The following SRP54 variants were observed in gnomAD, a reference collection of about 807,000 sequenced individuals.
SRP54 encodes signal recognition particle 54, also known as signal recognition particle subunit SRP54.
Under a neutral mutation model 64.8 loss-of-function variants are expected in SRP54, and 10 were observed. The observed-to-expected ratio is 0.15, with a 90% CI of 0.10 to 0.26. The LOEUF is 0.26. SRP54 is among the 10% of genes least tolerant of loss of function. The probability of loss-of-function intolerance (pLI) is 1.00; values close to 1 mark genes in which losing one functional copy is unlikely to be tolerated. For missense variants in SRP54, 325 were observed against 613.7 expected, an observed-to-expected ratio of 0.53 and a Z score of 4.97; for synonymous variants, 193 against 185.6, an observed-to-expected ratio of 1.04 and a Z score of -0.32.
chr14:35,007,748 CATAAAATAGATTTT>C (rs2044288660), intron 5 of SRP54, among the ~76,000 whole-genome samples: 5 of 144,114 alleles, frequency 3.5e-5, no homozygotes, highest in South Asian at 2.1e-4. Context: ...AATATATTTA[CATAAAATAGATTTT>C]ATTAAAATAT....
chr14:35,011,482 G>A lies in SRP54; in HGVS notation c.486-27G>A, dbSNP rs780055417. ...TAGTATTTGGAAGTTTTGTCGTTTTGTTAAATCATTTGTCCATGTTATATA... is the reference window on the plus strand; with the variant it reads ...TAGTATTTGGAAGTTTTGTCGTTTTATTAAATCATTTGTCCATGTTATATA... On this transcript the variant is annotated intron_variant, in intron 7 of 15. Transcript: ENST00000216774. The A allele has an allele frequency of 3.6e-6, 5 of 1,393,136 alleles. No individual in the cohort carries two copies. The African/African-American group carries it at 4.4e-5, about 12-fold the overall frequency. 86.3% of individuals were successfully genotyped at this position (1,393,136 alleles called of 1,614,324 possible). A position where few individuals can be genotyped will look rare whatever the true frequency, so the allele number is the denominator to read the frequency against.
chr14:35,023,728 G>A (rs1485268373), intron 14 of SRP54, among the ~76,000 whole-genome samples: 2 of 151,606 alleles, frequency 1.3e-5, no homozygotes, highest in East Asian at 3.9e-4. Context: ...AGCTTGCAGT[G>A]AGCCGAGATT....
intron 11 of SRP54, among the ~76,000 whole-genome samples, chr14:35,016,840 CTTTTCTT>C (rs1172331059): frequency 1.3e-4 from 9 of 71,616 alleles, no homozygotes; most frequent in East Asian, 4.5e-4. Flanking sequence ...CCTTTTTTTT[CTTTTCTT>C]TTTTTTTTTT....
chr14:35,003,579 T>G (rs1330332439), intron 4 of SRP54, among the ~76,000 whole-genome samples: 3 of 150,766 alleles, frequency 2.0e-5, no homozygotes, highest in Non-Finnish European at 4.4e-5. Context: ...TTGGTTTTTT[T>G]TTTTTTTGAG....
chr14:34,987,418 C>G (rs1229860420), intron 1 of SRP54, among the ~76,000 whole-genome samples: 1 of 151,612 alleles, frequency 6.6e-6, no homozygotes, highest in Admixed American at 6.6e-5. Flanking sequence ...TGAAGAAACC[C>G]CATACCTATT....
chr14:35,017,876 T>C (rs773705297), intron 11 of SRP54, among the ~76,000 whole-genome samples: 3 of 152,132 alleles, frequency 2.0e-5, no homozygotes, highest in Non-Finnish European at 4.4e-5. Flanking sequence ...ATCCTAGTGC[T>C]TTAGGAGGCC....
At chr14:35,016,443 C>T (rs1347522517) in intron 11 of SRP54, among the ~76,000 whole-genome samples, 2 of 152,178 alleles carry the variant, frequency 1.3e-5, no homozygotes, top group African/African-American at 4.8e-5. Flanking sequence ...AATGTACATT[C>T]CTGTCTCTCA....
chr14:35,029,028 GTTTTTA>G, intron 15 of SRP54, 27 bp from the exon 16 acceptor site: 2 of 1,555,346 alleles, frequency 1.3e-6, no homozygotes, highest in South Asian at 2.3e-5. Flanking sequence ...ATAATTCTCT[GTTTTTA>G]ACTCTACTTC....
intron 4 of SRP54, among the ~76,000 whole-genome samples, chr14:35,002,223 G>A (rs752934881): frequency 6.6e-6 from 1 of 151,820 alleles, no homozygotes; most frequent in Non-Finnish European, 1.5e-5. Flanking sequence ...GCATGGTGGT[G>A]CACATCTGTA....
At chr14:35,002,303 G>A (rs554964289) in intron 4 of SRP54, among the ~76,000 whole-genome samples, 5 of 152,136 alleles carry the variant, frequency 3.3e-5, no homozygotes, top group South Asian at 4.1e-4. Context: ...GCAGTGAGCC[G>A]TGATTGTGCC....
chr14:34,999,270 C>T (rs2044134059), intron 2 of SRP54, among the ~76,000 whole-genome samples: 1 of 151,978 alleles, frequency 6.6e-6, no homozygotes, highest in South Asian at 2.1e-4. Flanking sequence ...CCACCTCGGC[C>T]TCCCAAAGTG....
intron 5 of SRP54, 57 bp from the exon 6 acceptor site, chr14:35,008,570 A>G (rs915527905): frequency 1.7e-5 from 20 of 1,157,370 alleles, no homozygotes; most frequent in East Asian, 2.9e-5. Flanking sequence ...AGAAAAAATT[A>G]TATGTATAGT....
intron 2 of SRP54, among the ~76,000 whole-genome samples, chr14:34,998,911 C>T (rs959480170): frequency 1.3e-5 from 2 of 150,090 alleles, no homozygotes; most frequent in Non-Finnish European, 3.0e-5. Flanking sequence ...ACATCAAAGG[C>T]AACATCTATT....
intron 3 of SRP54, among the ~76,000 whole-genome samples, chr14:35,000,501 A>G (rs866338574): frequency 4.7e-4 from 72 of 151,636 alleles, no homozygotes; most frequent in African/African-American, 1.7e-3. Context: ...TGGGAGACAG[A>G]GGTTGCAGTG....
intron 4 of SRP54, among the ~76,000 whole-genome samples, chr14:35,003,933 AAAATAAAT>A (rs61509012): frequency 4.7e-5 from 7 of 147,690 alleles, no homozygotes; most frequent in East Asian, 4.1e-4. Context: ...GACCTGTCTC[AAAATAAAT>A]AAATAAATAA....
At chr14:35,020,957 G>A (rs75849034) in intron 13 of SRP54, among the ~76,000 whole-genome samples, 5,708 of 152,066 alleles carry the variant, frequency 0.038, 112 homozygotes, top group South Asian at 0.067. Context: ...TAACTCTGTC[G>A]TATTACTTGC....
chr14:34,992,325 TACAC>T (rs1407165809), intron 1 of SRP54, among the ~76,000 whole-genome samples: 1 of 152,056 alleles, frequency 6.6e-6, no homozygotes. Context: ...TGTTTTAAAA[TACAC>T]ACTGCCAGTA....
At chr14:35,006,434 G>A (rs1020409632) in intron 4 of SRP54, among the ~76,000 whole-genome samples, 4 of 152,168 alleles carry the variant, frequency 2.6e-5, no homozygotes, top group South Asian at 2.1e-4. Context: ...AGTCCAAACT[G>A]AGATGTGTTT....
At chr14:34,988,520 C>T (rs1200508777) in intron 1 of SRP54, among the ~76,000 whole-genome samples, 2 of 93,634 alleles carry the variant, frequency 2.1e-5, no homozygotes, top group African/African-American at 6.7e-5. Flanking sequence ...TGAGATCACA[C>T]CACTGCACTC....
Sources: gnomAD v4.1 joint callset for allele counts (sites outside exome capture counted in the v4.1 genomes callset) on GRCh38, gnomAD v4.1.1 for gene constraint, MANE v1.5 for transcripts, NCBI Gene and HGNC (gene_info 2026-07-23, HGNC 2026-07-21) for gene names.